SMOC2: variants seen among roughly 807,000 people sequenced by gnomAD.
SMOC2 encodes the protein SPARC related modular calcium binding 2.
In SMOC2, 39 loss-of-function variants were observed where a neutral mutation model predicts 61.4. That is an observed-to-expected ratio of 0.64 (90% CI 0.49 to 0.83). SMOC2 has a LOEUF of 0.83. SMOC2 is among the 40% of genes least tolerant of loss of function. The probability of loss-of-function intolerance (pLI) is 0.00; values close to 1 mark genes in which losing one functional copy is unlikely to be tolerated. For synonymous variants in SMOC2, 247 were observed against 239.9 expected (o/e 1.03, Z -0.27); for missense variants, 556 against 592.9 (o/e 0.94, Z 0.65).
intron 11 of SMOC2, among the ~76,000 whole-genome samples, chr6:168,659,073 G>A (rs376677878): frequency 3.8e-4 from 8 of 21,274 alleles, no homozygotes; most frequent in African/African-American, 1.3e-3. Flanking sequence ...TGTGTGAGTG[G>A]TGTGTATGTA....
intron 8 of SMOC2, among the ~76,000 whole-genome samples, chr6:168,604,170 C>T (rs770532083): frequency 4.6e-5 from 7 of 152,152 alleles, no homozygotes; most frequent in East Asian, 1.9e-4. Context: ...GCAACAGATC[C>T]GGACATCTCA....
chr6:168,574,382 G>A (rs1207944280), intron 7 of SMOC2, among the ~76,000 whole-genome samples: 1 of 152,250 alleles, frequency 6.6e-6, no homozygotes, highest in Non-Finnish European at 1.5e-5. Context: ...CCTTAGGAAC[G>A]AGCTTGGAGA....
chr6:168,496,170 G>T (rs1782585305), intron 1 of SMOC2, among the ~76,000 whole-genome samples: 1 of 152,140 alleles, frequency 6.6e-6, no homozygotes, highest in Non-Finnish European at 1.5e-5. Flanking sequence ...TGTTCGATTG[G>T]TCACAGAGCC....
At chr6:168,596,398 T>C (rs9364469) in intron 7 of SMOC2, among the ~76,000 whole-genome samples, 20,413 of 119,306 alleles carry the variant, frequency 0.17, 52 homozygotes, top group East Asian at 0.28. Flanking sequence ...ACAGGTGCCA[T>C]GTGAACACGG....
chr6:168,576,826 C>T (rs924851647), intron 7 of SMOC2, among the ~76,000 whole-genome samples: 7 of 152,078 alleles, frequency 4.6e-5, no homozygotes, highest in Non-Finnish European at 1.0e-4. Context: ...GAACACACAT[C>T]CCTAAATCTA....
chr6:168,543,717 A>T, intron 5 of SMOC2, 45 bp downstream of exon 5: 10 of 1,545,610 alleles, frequency 6.5e-6, no homozygotes, highest in Non-Finnish European at 8.9e-6. Context: ...GTAACATCTA[A>T]CTTATCCCGT....
At chr6:168,575,811 G>A (rs1015029927) in intron 7 of SMOC2, among the ~76,000 whole-genome samples, 1 of 152,164 alleles carries the variant, frequency 6.6e-6, no homozygotes, top group Non-Finnish European at 1.5e-5. Context: ...AGACTGTCTC[G>A]GCTCTGCGGT....
intron 1 of SMOC2, among the ~76,000 whole-genome samples, chr6:168,457,915 G>C (rs56207158): frequency 0.087 from 13,207 of 152,086 alleles, 725 homozygotes; most frequent in Middle Eastern, 0.17. Context: ...TGCAGCCTGT[G>C]TGCCATCATC....
chr6:168,458,684 GATGTGAAGTGCT>G (rs1229221063), intron 1 of SMOC2, among the ~76,000 whole-genome samples: 1 of 152,102 alleles, frequency 6.6e-6, no homozygotes, highest in Admixed American at 6.5e-5. Context: ...TCCTGCTCGA[GATGTGAAGTGCT>G]TGTTCTGTCA....
At chr6:168,591,984 G>A (rs376296852) in intron 7 of SMOC2, among the ~76,000 whole-genome samples, 1 of 152,018 alleles carries the variant, frequency 6.6e-6, no homozygotes, top group Non-Finnish European at 1.5e-5. Flanking sequence ...TACTCCATCT[G>A]GAATCAAACA....
intron 1 of SMOC2, among the ~76,000 whole-genome samples, chr6:168,459,299 T>G (rs930366705): frequency 2.6e-5 from 4 of 152,162 alleles, no homozygotes; most frequent in Admixed American, 2.6e-4. Context: ...AGGTGTGTTT[T>G]GATGAAGGTC....
chr6:168,601,866 T>C (rs1785563150), intron 8 of SMOC2, among the ~76,000 whole-genome samples: 1 of 152,230 alleles, frequency 6.6e-6, no homozygotes, highest in Non-Finnish European at 1.5e-5. Flanking sequence ...TCATTCTGCC[T>C]GGGCTTCATT....
At chr6:168,581,632 G>C (rs931154261) in intron 7 of SMOC2, among the ~76,000 whole-genome samples, 1 of 152,206 alleles carries the variant, frequency 6.6e-6, no homozygotes, top group Admixed American at 6.5e-5. Context: ...GTTACCAGGA[G>C]TCTGAAATTC....
intron 9 of SMOC2, among the ~76,000 whole-genome samples, chr6:168,649,633 C>G (rs1787140406): frequency 6.6e-6 from 1 of 152,168 alleles, no homozygotes; most frequent in Non-Finnish European, 1.5e-5. Flanking sequence ...ACAAATAGAC[C>G]CAGTTGGAAT....
chr6:168,662,663 C>T (rs1229895219), intron 11 of SMOC2, among the ~76,000 whole-genome samples: 1 of 152,110 alleles, frequency 6.6e-6, no homozygotes, highest in Non-Finnish European at 1.5e-5. Flanking sequence ...TTTGTGTAGA[C>T]AACAGATGGG....
At chr6:168,532,439 T>C (rs10945511) in intron 4 of SMOC2, among the ~76,000 whole-genome samples, 48 of 150,196 alleles carry the variant, frequency 3.2e-4, no homozygotes, top group South Asian at 1.3e-3. Context: ...CCTCCCCCCC[T>C]CCCCCACAAA....
intron 1 of SMOC2, among the ~76,000 whole-genome samples, chr6:168,468,597 C>A (rs964971039): frequency 6.6e-6 from 1 of 152,334 alleles, no homozygotes; most frequent in African/African-American, 2.4e-5. Context: ...TGCAGTGGCA[C>A]GAACTCTGCA....
chr6:168,622,071 T>C (rs905716618), intron 9 of SMOC2, among the ~76,000 whole-genome samples: 1 of 152,094 alleles, frequency 6.6e-6, no homozygotes, highest in Non-Finnish European at 1.5e-5. Context: ...GTTCACGCCA[T>C]TCTTCTGCCT....
chr6:168,555,972 T>A (rs941280036), intron 7 of SMOC2, among the ~76,000 whole-genome samples: 1 of 151,954 alleles, frequency 6.6e-6, no homozygotes, highest in Non-Finnish European at 1.5e-5. Flanking sequence ...GTGGACGAGG[T>A]GGACGCTGAA....
Sources: allele counts gnomAD v4.1 joint callset (sites outside exome capture counted in the v4.1 genomes callset), GRCh38; gene constraint gnomAD v4.1.1; transcripts MANE v1.5; gene names NCBI Gene and HGNC (gene_info 2026-07-23, HGNC 2026-07-21).